Variants in KIF26B observed in about 807,000 individuals in gnomAD.
KIF26B encodes the protein kinesin-like protein KIF26B.
In KIF26B, 63 loss-of-function variants were observed where a neutral mutation model predicts 151.2. The observed-to-expected ratio is 0.42, with a 90% CI of 0.34 to 0.51. The LOEUF (loss-of-function observed/expected upper bound fraction) is 0.51, where lower values mean the gene tolerates loss of function less well. Ranked by LOEUF, KIF26B falls within the 20% of genes least tolerant of loss-of-function variation. KIF26B has a pLI of 0.07. For synonymous variants in KIF26B, 1,357 were observed against 1,262.1 expected (o/e 1.08, Z -1.59); for missense variants, 2,813 against 2,913.6 (o/e 0.97, Z 0.79).
chr1:245,172,097 T>C (rs1353864547), intron 2 of KIF26B, among the ~76,000 whole-genome samples: 1 of 152,020 alleles, frequency 6.6e-6, no homozygotes, highest in Non-Finnish European at 1.5e-5. Flanking sequence ...GTTTATCCAC[T>C]CATCTACCTG....
At chr1:245,612,089 TGTGTGTGTGTGTGTGTGA>T (rs958470990) in intron 9 of KIF26B, 113 bp downstream of exon 9, 6 of 746,482 alleles carry the variant, frequency 8.0e-6, no homozygotes, top group African/African-American at 1.8e-5. Context: ...TGTGTGTGTG[TGTGTGTGTGTGTGTGTGA>T]GAGAGAGAGA....
intron 2 of KIF26B, among the ~76,000 whole-genome samples, chr1:245,237,694 A>G (rs1483194300): frequency 3.3e-5 from 5 of 152,144 alleles, no homozygotes; most frequent in African/African-American, 1.2e-4. Flanking sequence ...ATTTGTTTGG[A>G]TTAATACAGG....
chr1:245,236,813 C>T (rs1273996065), intron 2 of KIF26B, among the ~76,000 whole-genome samples: 1 of 152,160 alleles, frequency 6.6e-6, no homozygotes, highest in East Asian at 1.9e-4. Flanking sequence ...GGGATTTGCT[C>T]GCTGCTGTAT....
At chr1:245,685,261 G>A (rs557224352) in intron 11 of KIF26B, 144 bp from the exon 12 acceptor site, 5 of 648,362 alleles carry the variant, frequency 7.7e-6, no homozygotes, top group South Asian at 2.0e-5. Context: ...ATGGCACCCC[G>A]AGTGGCCCAC....
At chr1:245,619,863 A>C (rs2043639756) in intron 9 of KIF26B, among the ~76,000 whole-genome samples, 1 of 152,116 alleles carries the variant, frequency 6.6e-6, no homozygotes, top group African/African-American at 2.4e-5. Flanking sequence ...CAGTGAGCTG[A>C]GATCACGCCA....
intron 2 of KIF26B, among the ~76,000 whole-genome samples, chr1:245,169,362 T>TGTGTGTGTGTGC (rs879260509): frequency 1.8e-3 from 266 of 151,080 alleles, no homozygotes; most frequent in Middle Eastern, 6.9e-3. Context: ...TGTGTGTGTG[T>TGTGTGTGTGTGC]GCGCGCAAGC....
chr1:245,571,378 G>C (rs372873427), intron 5 of KIF26B, among the ~76,000 whole-genome samples: 12 of 152,190 alleles, frequency 7.9e-5, no homozygotes, highest in East Asian at 5.8e-4. Flanking sequence ...AGAGTTATTT[G>C]GTCCCTAGAT....
intron 2 of KIF26B, among the ~76,000 whole-genome samples, chr1:245,196,679 A>C (rs1296935402): frequency 6.6e-6 from 1 of 152,066 alleles, no homozygotes; most frequent in East Asian, 1.9e-4. Flanking sequence ...TCTCCCTTGG[A>C]TATTTTTTTA....
chr1:245,686,595 C>A lies in KIF26B; in HGVS notation c.3612C>A (p.Ser1204Arg), dbSNP rs746673858. The stretch of plus-strand genomic sequence containing the variant: ...TGACCATCAGCGGGGTCCTGGACAG[C>A]GGCCGCCCCACCAGCATCATCAGCT... ...EELTISGVLD[S>R]GRPTSIISFN... is the part of the protein sequence containing the mutation. Residue 1204 changes from serine (S) to arginine (R), a missense_variant, in exon 12 of 15, where the codon AGC becomes AGA. By Grantham distance (110) the Ser-to-Arg change is moderately radical. This residue lies in a region of KIF26B where 2,060 missense variants were observed against 2,088.6 expected (regional missense o/e 0.99). Coordinates refer to ENST00000407071, the MANE Select transcript of KIF26B (RefSeq NM_018012.4). This position sits in a 1 kb window ranked among gnomAD's most constrained non-coding sequence, Gnocchi z 5.6. 1.7e-5 allele frequency: 27 copies of A among 1,611,488 alleles called. No individual in the cohort carries two copies. Among genetic ancestry groups the A allele is most frequent in the Non-Finnish European group, 1.9e-5 (22 of 1,179,262 alleles).
chr1:245,511,795 G>A (rs1174821512), intron 4 of KIF26B, among the ~76,000 whole-genome samples: 1 of 152,208 alleles, frequency 6.6e-6, no homozygotes, highest in Non-Finnish European at 1.5e-5. Context: ...CTTTCTGTGT[G>A]AGGGCTTCGT....
intron 12 of KIF26B, among the ~76,000 whole-genome samples, chr1:245,691,824 G>A (rs919944804): frequency 6.6e-5 from 10 of 152,178 alleles, no homozygotes; most frequent in Admixed American, 3.9e-4. Context: ...AAATATCACC[G>A]TGGTTCCTTC....
intron 2 of KIF26B, among the ~76,000 whole-genome samples, chr1:245,285,727 G>T (rs900135283): frequency 4.6e-5 from 7 of 151,382 alleles, no homozygotes; most frequent in Non-Finnish European, 8.8e-5. Flanking sequence ...AGGATCACTT[G>T]AGCCCAGGAG....
At position 245,636,299 on chromosome 1, in the gene KIF26B, AT is replaced by A. The variant is rs548544874; in HGVS notation, c.2099-9815del. Among the ~76,000 whole-genome samples the A allele has an allele frequency of 4.8e-3, 733 of 151,410 alleles. 9 individuals carry two copies. The highest frequency in any genetic ancestry group is 0.017 in the African/African-American group (697 of 41,302). On this transcript the variant is annotated intron_variant, in intron 9 of 14. Transcript: ENST00000407071. The stretch of plus-strand genomic sequence containing the variant: ...ATGGATTAGAACATGAGCCACATAA[AT>A]TTTTTTATTATGACCTCTTGATGAA...
rs1553270126 is a variant in KIF26B, at chr1:245,390,943, A to AAAAACC, written c.999+23580_999+23581insCCAAAA. On this transcript the variant is annotated intron_variant, in intron 3 of 14. Transcript: ENST00000407071. ...TCTCAAAAAAAAAAAAAAAAAAAAA[A>AAAAACC]AAAAAAAAACCACCATAAAATTTTG... Among the ~76,000 whole-genome samples, 176 of 118,450 alleles carry AAAAACC rather than the reference A, an allele frequency of 1.5e-3. 7 individuals carry two copies. The highest frequency in any genetic ancestry group is 6.9e-3 in the African/African-American group (169 of 24,440). The allele number at this position is 118,450 out of a possible 152,430, so 77.7% of individuals were successfully genotyped here. A position where few individuals can be genotyped will look rare whatever the true frequency, so the allele number is the denominator to read the frequency against.
intron 2 of KIF26B, among the ~76,000 whole-genome samples, chr1:245,162,024 T>C (rs1189441597): frequency 6.6e-6 from 1 of 152,166 alleles, no homozygotes; most frequent in East Asian, 1.9e-4. Flanking sequence ...GGAGACCCTG[T>C]TGTCATCCCT....
In KIF26B at chr1:245,688,694, A is replaced by T. The variant is rs1445171806; in HGVS notation, c.5711A>T (p.Asp1904Val). ...AGCGGCTACGAGAGCGTGATGCGGG[A>T]CAGCGAGGCCACCGGCAGCGCGTCC... is the stretch of plus-strand genomic sequence containing the variant. ...GSSGYESVMRDSEATGSASSA... is the reference protein window; with the variant it reads ...GSSGYESVMRVSEATGSASSA... The change falls in exon 12 of 15, where the codon GAC (aspartate) becomes GTC (valine). Residue 1904 changes from aspartate to valine, a missense_variant. Coordinates refer to ENST00000407071, the MANE Select transcript of KIF26B (RefSeq NM_018012.4). 2 of 1,606,546 alleles carry T rather than the reference A, an allele frequency of 1.2e-6. No homozygotes were observed. The highest frequency in any genetic ancestry group is 1.7e-6 in the Non-Finnish European group (2 of 1,177,628).
intron 2 of KIF26B, among the ~76,000 whole-genome samples, chr1:245,165,562 C>T (rs377684541): frequency 7.9e-5 from 12 of 152,206 alleles, no homozygotes; most frequent in Admixed American, 3.3e-4. Context: ...AATCCACAGA[C>T]GGCATGAGCT....
chr1:245,194,377 A>G (rs1399276918), intron 2 of KIF26B, among the ~76,000 whole-genome samples: 1 of 152,172 alleles, frequency 6.6e-6, no homozygotes, highest in Non-Finnish European at 1.5e-5. Flanking sequence ...CACTGCAAAC[A>G]AAACTCTATG....
At chr1:245,399,344 T>C (rs559612255) in intron 3 of KIF26B, among the ~76,000 whole-genome samples, 13 of 152,314 alleles carry the variant, frequency 8.5e-5, no homozygotes, top group African/African-American at 3.1e-4. Flanking sequence ...CTATGTGAAG[T>C]GTTTTCCTGT....
Sources: allele counts gnomAD v4.1 joint callset (sites outside exome capture counted in the v4.1 genomes callset), GRCh38; gene constraint gnomAD v4.1.1; regional missense constraint gnomAD v4.1.1; non-coding constraint Gnocchi (gnomAD v3.1); transcripts MANE v1.5; gene names NCBI Gene and HGNC (gene_info 2026-07-23, HGNC 2026-07-21).